Variants in DAW1 observed in about 807,000 individuals in gnomAD.
DAW1 encodes the protein dynein assembly factor with WD repeat domains 1.
Under a neutral mutation model 56.5 loss-of-function variants are expected in DAW1, and 47 were observed. That is an observed-to-expected ratio of 0.83 (90% CI 0.66 to 1.06). The LOEUF is 1.06. Among genes scored for constraint, DAW1 ranks in the 50% least tolerant of loss-of-function variants. DAW1 has a pLI of 0.00. For synonymous variants in DAW1, 190 were observed against 179.0 expected (o/e 1.06, Z -0.49); for missense variants, 505 against 499.3 (o/e 1.01, Z -0.11).
At chr2:227,908,017 C>T (rs1406757079) in intron 10 of DAW1, among the ~76,000 whole-genome samples, 1 of 152,106 alleles carries the variant, frequency 6.6e-6, no homozygotes, top group African/African-American at 2.4e-5. Flanking sequence ...CTTTGATTAC[C>T]ACTGTGATTC....
intron 1 of DAW1, among the ~76,000 whole-genome samples, chr2:227,880,381 C>CTT (rs34679935): frequency 5.6e-5 from 8 of 143,860 alleles, no homozygotes; most frequent in Non-Finnish European, 1.1e-4. Flanking sequence ...CACAAACAGT[C>CTT]TTTTTTTTTT....
chr2:227,902,551 G>A (rs933766897), intron 6 of DAW1, among the ~76,000 whole-genome samples: 2 of 152,120 alleles, frequency 1.3e-5, no homozygotes, highest in Admixed American at 6.5e-5. Flanking sequence ...GTTGTCCGGG[G>A]CATGGGTCTG....
rs377754239 is a variant in DAW1 at position 227,906,378 on chromosome 2, C to T, written c.858+40C>T. ...TAAATATCTTTGCTTTATATTGTGTCTATACTCTTTACTGTGTCAGATATC... is the reference window on the plus strand; with the variant it reads ...TAAATATCTTTGCTTTATATTGTGTTTATACTCTTTACTGTGTCAGATATC... On this transcript the variant is annotated intron_variant, in intron 9 of 12. Coordinates refer to ENST00000309931, the MANE Select transcript of DAW1 (RefSeq NM_178821.3). 191 of 1,396,608 alleles carry T rather than the reference C, an allele frequency of 1.4e-4. 1 individual carries two copies. Among genetic ancestry groups the T allele is most frequent in the African/African-American group, 3.0e-4 (21 of 70,352 alleles). 86.5% of individuals were successfully genotyped at this position (1,396,608 alleles called of 1,614,324 possible).
intron 1 of DAW1, among the ~76,000 whole-genome samples, chr2:227,880,823 C>T (rs1690993695): frequency 6.6e-6 from 1 of 152,096 alleles, no homozygotes; most frequent in Non-Finnish European, 1.5e-5. Context: ...AGGAGAAGAT[C>T]CTGAACTCTT....
At chr2:227,892,820 A>G (rs931227855) in intron 4 of DAW1, among the ~76,000 whole-genome samples, 2 of 152,116 alleles carry the variant, frequency 1.3e-5, no homozygotes, top group Non-Finnish European at 2.9e-5. Context: ...TATACTTTTG[A>G]AGCAATATTT....
chr2:227,878,443 T>C (rs1424299994), intron 1 of DAW1, among the ~76,000 whole-genome samples: 1 of 152,184 alleles, frequency 6.6e-6, no homozygotes, highest in Non-Finnish European at 1.5e-5. Flanking sequence ...GTTGATCAAC[T>C]GGGCATGGTG....
In DAW1 at chr2:227,924,019, C is replaced by G. The variant is rs774101860; in HGVS notation, c.*51C>G. ...CCTTGCTAGCAATGGTAATCAAGAA[C>G]TGGAACTTCACAGACAGCAGCTCTC... On this transcript the variant is annotated 3_prime_UTR_variant, in exon 13 of 13. Coordinates refer to ENST00000309931, the MANE Select transcript of DAW1 (RefSeq NM_178821.3). 6.2e-7 allele frequency: 1 copy of G among 1,604,258 alleles called. No homozygotes were observed. Among genetic ancestry groups the G allele is most frequent in the Non-Finnish European group, 8.5e-7 (1 of 1,171,898 alleles).
chr2:227,913,402 C>T (rs909369870), intron 10 of DAW1, among the ~76,000 whole-genome samples: 1 of 152,156 alleles, frequency 6.6e-6, no homozygotes, highest in Non-Finnish European at 1.5e-5. Flanking sequence ...TGACATTATA[C>T]TGTGTGTTTC....
Position 227,924,120 on chromosome 2 carries a change from C to A in DAW1, c.*152C>A. On this transcript the variant is annotated 3_prime_UTR_variant, in exon 13 of 13. Transcript: ENST00000309931. Reference sequence around the variant, plus strand: ...CTGTCCTTCATTTCACAGATATGACCATTAAACATGACAAAGTTATGCCAC... The same window carrying A: ...CTGTCCTTCATTTCACAGATATGACAATTAAACATGACAAAGTTATGCCAC... 1.1e-6 allele frequency: 1 copy of A among 874,790 alleles called. No individual in the cohort carries two copies. The highest frequency in any genetic ancestry group is 1.6e-5 in the South Asian group (1 of 60,664). The allele number at this position is 874,790 out of a possible 1,614,324, so 54.2% of individuals were successfully genotyped here.
intron 1 of DAW1, among the ~76,000 whole-genome samples, chr2:227,882,808 A>G (rs1302823011): frequency 1.3e-5 from 2 of 152,170 alleles, no homozygotes; most frequent in Non-Finnish European, 2.9e-5. Flanking sequence ...ATTGTTTGGT[A>G]GTTCCTCCTG....
At chr2:227,876,072 G>C (rs1271511454) in intron 1 of DAW1, among the ~76,000 whole-genome samples, 2 of 151,806 alleles carry the variant, frequency 1.3e-5, no homozygotes, top group Non-Finnish European at 2.9e-5. Flanking sequence ...CTGTAGTGCA[G>C]TGGCATGATC....
intron 11 of DAW1, among the ~76,000 whole-genome samples, chr2:227,919,875 A>G (rs1692063115): frequency 6.6e-6 from 1 of 152,212 alleles, no homozygotes; most frequent in Admixed American, 6.5e-5. Context: ...GGCCCCTTCT[A>G]GACCCTGGAA....
chr2:227,889,514 G>C (rs1691208549), intron 2 of DAW1: 2 of 168,312 alleles, frequency 1.2e-5, no homozygotes, highest in African/African-American at 4.8e-5. Context: ...CTGTGACATT[G>C]GTGAACATGT....
At chr2:227,891,189 T>G in intron 3 of DAW1, 66 bp from the exon 4 acceptor site, 2 of 1,431,254 alleles carry the variant, frequency 1.4e-6, no homozygotes, top group Non-Finnish European at 2.0e-6. Flanking sequence ...CTTCATTGGT[T>G]TGAAGTTATA....
chr2:227,904,346 T>C (rs1393223474), intron 7 of DAW1, among the ~76,000 whole-genome samples: 2 of 152,174 alleles, frequency 1.3e-5, no homozygotes, highest in Admixed American at 6.5e-5. Context: ...CTTATCAGAG[T>C]TCCAGAATCT....
intron 11 of DAW1, among the ~76,000 whole-genome samples, chr2:227,919,370 A>G (rs1411239789): frequency 1.3e-5 from 2 of 152,164 alleles, no homozygotes; most frequent in Non-Finnish European, 2.9e-5. Flanking sequence ...AATTATTTCT[A>G]AAACCTCTTA....
intron 10 of DAW1, among the ~76,000 whole-genome samples, chr2:227,917,126 ATCTATCTATCTATCTATCTG>A (rs1334006503): frequency 6.3e-4 from 81 of 129,236 alleles, no homozygotes; most frequent in African/African-American, 1.7e-3. Context: ...CTATCTATCT[ATCTATCTATCTATCTATCTG>A]TCTGTCTGTC....
chr2:227,897,093 G>GA (rs200209188), intron 5 of DAW1, among the ~76,000 whole-genome samples: 1,185 of 92,342 alleles, frequency 0.013, 7 homozygotes, highest in Admixed American at 0.023. Context: ...CTCAAAAAAA[G>GA]AAAAAAAAAA....
intron 1 of DAW1, among the ~76,000 whole-genome samples, chr2:227,884,357 C>G (rs1324792962): frequency 6.6e-6 from 1 of 151,992 alleles, no homozygotes; most frequent in Non-Finnish European, 1.5e-5. Context: ...GTTGATTGTC[C>G]TTGGTATAAT....
Sources: allele counts gnomAD v4.1 joint callset (sites outside exome capture counted in the v4.1 genomes callset), GRCh38; gene constraint gnomAD v4.1.1; transcripts MANE v1.5; gene names NCBI Gene and HGNC (gene_info 2026-07-23, HGNC 2026-07-21).